The following FAM169A variants were observed in gnomAD, a reference collection of about 807,000 sequenced individuals.
FAM169A encodes soluble lamin-associated protein of 75 kDa.
Under a neutral mutation model 75.7 loss-of-function variants are expected in FAM169A, and 24 were observed. That is an observed-to-expected ratio of 0.32 (90% CI 0.23 to 0.45). The LOEUF is 0.45. Ranked by LOEUF, FAM169A falls within the 20% of genes least tolerant of loss-of-function variation. FAM169A has a pLI of 1.00. For missense variants in FAM169A, 673 were observed against 784.0 expected (o/e 0.86, Z 1.69); for synonymous variants, 271 against 271.0 (o/e 1.00, Z 0.00).
At chr5:74,805,109 C>T in intron 7 of FAM169A, 47 bp downstream of exon 7, 1 of 1,584,360 alleles carries the variant, frequency 6.3e-7, no homozygotes, top group Non-Finnish European at 8.7e-7. Flanking sequence ...GACAGGCTAC[C>T]AAAAATAAAT....
chr5:74,819,879 G>A (rs1191181994), intron 5 of FAM169A, among the ~76,000 whole-genome samples: 1 of 152,096 alleles, frequency 6.6e-6, no homozygotes, highest in Non-Finnish European at 1.5e-5. Context: ...AGGAAATGGG[G>A]AGAGACTGCT....
At chr5:74,799,104 G>T in intron 10 of FAM169A, 1 of 979,654 alleles carries the variant, frequency 1.0e-6, no homozygotes, top group Non-Finnish European at 1.7e-6. Flanking sequence ...TCTATAAGAA[G>T]AATGGGCGCC....
chr5:74,805,524 C>CTTTTTTTTTTTTTTTTTTTTTTT lies in FAM169A; in HGVS notation c.671-263_671-241dup, dbSNP rs1194674402. On this transcript the variant is annotated intron_variant, in intron 6 of 12. Transcript: ENST00000687041. Reference sequence around the variant, plus strand: ...AAAAATCCTTTAAAAATGTGCTTCGCTTTTTTTTTTTTTTTTTTTTTTTGG... The same window carrying CTTTTTTTTTTTTTTTTTTTTTTT: ...AAAAATCCTTTAAAAATGTGCTTCGCTTTTTTTTTTTTTTTTTTTTTTTTTTTTTTTTTTTTTTTTTTTTTTGG... Among the ~76,000 whole-genome samples, 9 of 81,924 alleles carry CTTTTTTTTTTTTTTTTTTTTTTT rather than the reference C, an allele frequency of 1.1e-4. 2 individuals are homozygous for CTTTTTTTTTTTTTTTTTTTTTTT. Among genetic ancestry groups the CTTTTTTTTTTTTTTTTTTTTTTT allele is most frequent in the African/African-American group, 4.9e-4 (9 of 18,436 alleles). 53.7% of individuals were successfully genotyped at this position (81,924 alleles called of 152,430 possible).
intron 6 of FAM169A, among the ~76,000 whole-genome samples, chr5:74,806,759 AAAAC>A (rs1422732420): frequency 3.3e-5 from 5 of 152,322 alleles, no homozygotes; most frequent in South Asian, 4.1e-4. Flanking sequence ...TATTTAGAGT[AAAAC>A]AAACAATTAG....
chr5:74,825,420 T>C (rs1275434314), intron 5 of FAM169A, among the ~76,000 whole-genome samples: 6 of 152,214 alleles, frequency 3.9e-5, no homozygotes, highest in African/African-American at 1.4e-4. Context: ...AACTGAATTT[T>C]AAAATTTAAC....
chr5:74,790,262 A>G (rs1745904868), intron 11 of FAM169A, among the ~76,000 whole-genome samples: 1 of 152,222 alleles, frequency 6.6e-6, no homozygotes, highest in Admixed American at 6.5e-5. Context: ...GCACCACCCA[A>G]AAGTGGACAG....
At chr5:74,808,940 T>C (rs963567441) in intron 6 of FAM169A, among the ~76,000 whole-genome samples, 1 of 152,162 alleles carries the variant, frequency 6.6e-6, no homozygotes, top group Non-Finnish European at 1.5e-5. Flanking sequence ...TAGTCTATCA[T>C]TTTTTTCCCT....
At chr5:74,866,614 C>T, upstream of FAM169A, 2 of 681,378 alleles carry the variant, frequency 2.9e-6, no homozygotes, top group Non-Finnish European at 3.6e-6. Flanking sequence ...GCCCCGGCCG[C>T]CGTCACCCGG....
chr5:74,817,635 G>A (rs1227614326), intron 5 of FAM169A, among the ~76,000 whole-genome samples: 2 of 151,980 alleles, frequency 1.3e-5, no homozygotes, highest in African/African-American at 2.4e-5. Context: ...AAATCCTAGC[G>A]AATTGTTTTG....
chr5:74,815,918 C>T (rs765625250), intron 5 of FAM169A, among the ~76,000 whole-genome samples: 2 of 152,224 alleles, frequency 1.3e-5, no homozygotes, highest in Admixed American at 6.5e-5. Flanking sequence ...CCTTCTTTAG[C>T]ATATCATCAA....
intron 5 of FAM169A, among the ~76,000 whole-genome samples, chr5:74,819,166 C>G (rs1180400252): frequency 6.6e-6 from 1 of 151,100 alleles, no homozygotes; most frequent in African/African-American, 2.4e-5. Context: ...TTGCAGCGAG[C>G]TGAGATTGCA....
At chr5:74,801,550 T>C (rs1442377942) in intron 9 of FAM169A, 40 bp downstream of exon 9, 3 of 1,475,444 alleles carry the variant, frequency 2.0e-6, no homozygotes, top group Non-Finnish European at 1.9e-6. Context: ...TAATTTGAAG[T>C]GTCTCAAATA....
rs191769013 is a variant in FAM169A, at chr5:74,864,682, T to C, written c.-4+1483A>G. On this transcript the variant is annotated intron_variant, in intron 1 of 12. Coordinates refer to ENST00000687041, the MANE Select transcript of FAM169A (RefSeq NM_001376049.1). ...TGGAAGGTCAATGTTGCTACTCACA[T>C]AAGCTATTTCTAAGTTCCCCAAACA... Among the ~76,000 whole-genome samples, 40 of 152,336 alleles carry C rather than the reference T, an allele frequency of 2.6e-4. No individual in the cohort carries two copies. The East Asian group carries it at 6.7e-3, about 26-fold the overall frequency.
At chr5:74,817,499 G>A (rs974319058) in intron 5 of FAM169A, among the ~76,000 whole-genome samples, 10 of 151,820 alleles carry the variant, frequency 6.6e-5, no homozygotes, top group Non-Finnish European at 1.5e-4. Flanking sequence ...GTACAATAGA[G>A]ATTACAAACA....
At chr5:74,820,526 C>T (rs922861257) in intron 5 of FAM169A, among the ~76,000 whole-genome samples, 17 of 152,092 alleles carry the variant, frequency 1.1e-4, no homozygotes, top group African/African-American at 2.9e-4. Context: ...TCACAGCCCA[C>T]GTACAATCCA....
At position 74,813,300 on chromosome 5, in the gene FAM169A, T is replaced by C. The variant is rs1363600970; in HGVS notation, c.670+540A>G. 2.6e-5 allele frequency among the ~76,000 whole-genome samples: 4 copies of C among 152,034 alleles called. No homozygotes were observed. In the East Asian group the frequency reaches 7.7e-4, roughly 29 times the overall value. ...AATTGTACACTTTTAACAGGGCAAA[T>C]ATTATGGCATATGTTGTTTTGTTTG... On this transcript the variant is annotated intron_variant, in intron 6 of 12. Transcript: ENST00000687041.
At chr5:74,790,834 G>C (rs1346853561) in intron 11 of FAM169A, among the ~76,000 whole-genome samples, 1 of 152,154 alleles carries the variant, frequency 6.6e-6, no homozygotes, top group Non-Finnish European at 1.5e-5. Context: ...ACCAGTCCTT[G>C]GGGTGATCAG....
intron 11 of FAM169A, among the ~76,000 whole-genome samples, chr5:74,786,084 C>G (rs1745681387): frequency 6.6e-6 from 1 of 152,134 alleles, no homozygotes; most frequent in Admixed American, 6.5e-5. Flanking sequence ...AGAGATTAGA[C>G]CAGCTTAGCC....
At chr5:74,788,428 G>A (rs1479423703) in intron 11 of FAM169A, among the ~76,000 whole-genome samples, 9 of 152,256 alleles carry the variant, frequency 5.9e-5, no homozygotes, top group African/African-American at 1.7e-4. Flanking sequence ...CAATCAGGCC[G>A]GGGGCGGTGG....
Sources: gnomAD v4.1 joint callset for allele counts (sites outside exome capture counted in the v4.1 genomes callset) on GRCh38, gnomAD v4.1.1 for gene constraint, MANE v1.5 for transcripts, NCBI Gene and HGNC (gene_info 2026-07-23, HGNC 2026-07-21) for gene names.